The following CLEC4A variants were observed in gnomAD, a reference collection of about 807,000 sequenced individuals.
CLEC4A encodes C-type lectin domain family 4 member A.
CLEC4A carries 27 observed loss-of-function variants against 32.7 expected under a neutral mutation model. That is an observed-to-expected ratio of 0.83 (90% CI 0.61 to 1.14). The LOEUF is 1.14. Ranked by LOEUF, CLEC4A falls within the 50% of genes most tolerant of loss-of-function variation. The pLI is 0.00. For synonymous variants in CLEC4A, 89 were observed against 93.7 expected (o/e 0.95, Z 0.29); for missense variants, 253 against 274.6 (o/e 0.92, Z 0.55).
chr12:8,107,958 G>C, the CLEC4A span, among the ~76,000 whole-genome samples: 1 of 152,126 alleles, frequency 6.6e-6, no homozygotes. Flanking sequence ...TGTTTCTCTA[G>C]TTCCTCTAGG....
the CLEC4A span, among the ~76,000 whole-genome samples, chr12:8,111,581 T>A: frequency 9.8e-5 from 15 of 152,340 alleles, 1 homozygote; most frequent in South Asian, 1.2e-3. Context: ...TATTATTTTT[T>A]AAAAAATTAA....
intron 2 of CLEC4A, among the ~76,000 whole-genome samples, chr12:8,127,302 G>A (rs1227808467): frequency 1.3e-5 from 2 of 152,230 alleles, no homozygotes; most frequent in Admixed American, 6.5e-5. Context: ...GACTGAGAGC[G>A]GAAGTAAGCA....
chr12:8,125,295 ATATATACCAAAATATTATGG>A (rs1038432615), intron 1 of CLEC4A, among the ~76,000 whole-genome samples: 3 of 152,212 alleles, frequency 2.0e-5, no homozygotes, highest in African/African-American at 7.2e-5. Flanking sequence ...TGCTAGAAAG[ATATATACCAAAATATTATGG>A]TATATTATAA....
chr12:8,123,836 C>T lies in CLEC4A; in HGVS notation c.-43C>T, dbSNP rs7295783. The stretch of plus-strand genomic sequence containing the variant: ...GTTTATAAGATGTTTTAAGAAAGAT[C>T]TGAAACAGATTTTCTGAAGAAAGCA... On this transcript the variant is annotated 5_prime_UTR_variant, in exon 1 of 6. Transcript: ENST00000229332. The T allele has an allele frequency of 0.95, 1,318,288 of 1,382,306 alleles. 636,350 individuals are homozygous for T. Among genetic ancestry groups the T allele is most frequent in the Non-Finnish European group, 0.99 (958,341 of 970,522 alleles). The allele number at this position is 1,382,306 out of a possible 1,614,324, so 85.6% of individuals were successfully genotyped here.
At chr12:8,130,801 A>C (rs1475787220) in intron 3 of CLEC4A, among the ~76,000 whole-genome samples, 3 of 152,236 alleles carry the variant, frequency 2.0e-5, no homozygotes, top group Non-Finnish European at 4.4e-5. Flanking sequence ...TCTTACATGA[A>C]TATAGTATAC....
the CLEC4A span, among the ~76,000 whole-genome samples, chr12:8,114,100 G>C: frequency 6.6e-6 from 1 of 152,198 alleles, no homozygotes; most frequent in Admixed American, 6.5e-5. Context: ...GGTTTCTGTA[G>C]CAAGAGCTGA....
At chr12:8,116,316 G>C in the CLEC4A span, among the ~76,000 whole-genome samples, 1 of 152,016 alleles carries the variant, frequency 6.6e-6, no homozygotes, top group Non-Finnish European at 1.5e-5. Flanking sequence ...TGCCCAGGCT[G>C]GTCTCAAAGA....
At position 8,125,502 on chromosome 12, in the gene CLEC4A, A is replaced by G. The variant is rs1049484632; in HGVS notation, c.83-59A>G. 4.5e-6 allele frequency: 4 copies of G among 882,782 alleles called. No homozygotes were observed. In the African/African-American group the frequency reaches 6.5e-5, roughly 14 times the overall value. The allele number at this position is 882,782 out of a possible 1,614,324, so 54.7% of individuals were successfully genotyped here. On this transcript the variant is annotated intron_variant, in intron 1 of 5. Coordinates refer to ENST00000229332, the MANE Select transcript of CLEC4A (RefSeq NM_016184.4). ...AAAAGAGAGAGAAAGAGGAGGAGGAAGAAGAGGAAGTAAAGACCAAACTTA... is the reference window on the plus strand; with the variant it reads ...AAAAGAGAGAGAAAGAGGAGGAGGAGGAAGAGGAAGTAAAGACCAAACTTA...
chr12:8,132,872 GT>G (rs1489047633), intron 3 of CLEC4A, among the ~76,000 whole-genome samples: 1 of 151,446 alleles, frequency 6.6e-6, no homozygotes, highest in Non-Finnish European at 1.5e-5. Context: ...TTTCTGTCTA[GT>G]TTTTTTGTTT....
intron 2 of CLEC4A, among the ~76,000 whole-genome samples, chr12:8,127,426 T>C (rs1947920818): frequency 6.6e-6 from 1 of 152,230 alleles, no homozygotes; most frequent in African/African-American, 2.4e-5. Flanking sequence ...ATAGACCACA[T>C]TTCTTGATTG....
At chr12:8,136,765 G>C (rs1483101016) in intron 4 of CLEC4A, 23 bp from the exon 5 acceptor site, 2 of 1,428,926 alleles carry the variant, frequency 1.4e-6, no homozygotes, top group Non-Finnish European at 2.0e-6. Flanking sequence ...TAAAGGCTGT[G>C]ACTCCTTCTT....
At chr12:8,128,955 A>T (rs1212129739) in intron 2 of CLEC4A, among the ~76,000 whole-genome samples, 1 of 152,054 alleles carries the variant, frequency 6.6e-6, no homozygotes, top group Non-Finnish European at 1.5e-5. Flanking sequence ...CTTAAATACA[A>T]GTGTTTATTG....
rs373496736 is a variant in CLEC4A at position 8,138,183 on chromosome 12, G to A, written c.610G>A (p.Val204Ile). The change falls in exon 6 of 6, where the codon GTT becomes ATT. Residue 204 changes from valine to isoleucine, a missense_variant. Transcript: ENST00000229332. ...GCCCAGTGATCCCAATGAGCGCTGC[G>A]TTGTGCTAAATTTTCGTAAATCACC... ...REPSDPNERCVVLNFRKSPKR... is the reference protein window; with the variant it reads ...REPSDPNERCIVLNFRKSPKR... 9.3e-6 allele frequency: 15 copies of A among 1,613,988 alleles called. No individual in the cohort carries two copies. Among genetic ancestry groups the A allele is most frequent in the African/African-American group, 6.7e-5 (5 of 74,908 alleles).
Position 8,123,739 on chromosome 12 carries a change from C to T in CLEC4A, c.-140C>T. The T allele has an allele frequency of 1.6e-6, 1 of 628,986 alleles. No individual in the cohort carries two copies. Among genetic ancestry groups the T allele is most frequent in the Non-Finnish European group, 2.8e-6 (1 of 350,944 alleles). 39.0% of individuals were successfully genotyped at this position (628,986 alleles called of 1,614,324 possible). On this transcript the variant is annotated 5_prime_UTR_variant, in exon 1 of 6. Coordinates refer to ENST00000229332, the MANE Select transcript of CLEC4A (RefSeq NM_016184.4). ...ATGAGACCCCTCTTGAGGATATGTGCCTATCTGGTGCCTCTGCTCTCCACT... is the reference window on the plus strand; with the variant it reads ...ATGAGACCCCTCTTGAGGATATGTGTCTATCTGGTGCCTCTGCTCTCCACT...
At chr12:8,135,780 T>G in intron 4 of CLEC4A, 44 bp downstream of exon 4, 1 of 1,594,586 alleles carries the variant, frequency 6.3e-7, no homozygotes, top group South Asian at 1.1e-5. Context: ...TGCCTGATCT[T>G]TGTATATCTC....
At chr12:8,106,093 ATCT>A in the CLEC4A span, among the ~76,000 whole-genome samples, 4 of 152,150 alleles carry the variant, frequency 2.6e-5, no homozygotes, top group African/African-American at 2.4e-5. Context: ...TCCAGTTTCA[ATCT>A]TCTGCATATC....
chr12:8,118,318 C>T, the CLEC4A span, among the ~76,000 whole-genome samples: 2 of 151,772 alleles, frequency 1.3e-5, no homozygotes, highest in African/African-American at 4.8e-5. Flanking sequence ...TATTATTTGT[C>T]CATAAAAAAG....
At chr12:8,107,514 T>A in the CLEC4A span, among the ~76,000 whole-genome samples, 5 of 152,160 alleles carry the variant, frequency 3.3e-5, no homozygotes, top group African/African-American at 1.2e-4. Context: ...GTCCTGGGCC[T>A]TTTCTGGTTG....
upstream of CLEC4A, among the ~76,000 whole-genome samples, chr12:8,123,165 C>T (rs1947847807): frequency 1.3e-5 from 2 of 152,188 alleles, no homozygotes; most frequent in African/African-American, 4.8e-5. Context: ...CCCTCTCCTC[C>T]AACATCCAGT....
Sources: gnomAD v4.1 joint callset for allele counts (sites outside exome capture counted in the v4.1 genomes callset) on GRCh38, gnomAD v4.1.1 for gene constraint, MANE v1.5 for transcripts, NCBI Gene and HGNC (gene_info 2026-07-23, HGNC 2026-07-21) for gene names.